SYDE2: variants seen among roughly 807,000 people sequenced by gnomAD.
SYDE2 encodes the protein rho GTPase-activating protein SYDE2.
SYDE2 carries 76 observed loss-of-function variants against 91.5 expected under a neutral mutation model. That is an observed-to-expected ratio of 0.83 (90% CI 0.69 to 1.01). The LOEUF (loss-of-function observed/expected upper bound fraction) is 1.01. Ranked by LOEUF, SYDE2 falls within the 50% of genes least tolerant of loss-of-function variation. The probability of loss-of-function intolerance (pLI) is 0.00; values close to 1 mark genes in which losing one functional copy is unlikely to be tolerated. For synonymous variants in SYDE2, 513 were observed against 506.4 expected, an observed-to-expected ratio of 1.01 and a Z score of -0.18; for missense variants, 1,364 against 1,367.7, an observed-to-expected ratio of 1.00 and a Z score of 0.04.
intron 2 of SYDE2, among the ~76,000 whole-genome samples, chr1:85,187,978 T>C (rs982906385): frequency 3.9e-5 from 6 of 151,914 alleles, no homozygotes; most frequent in African/African-American, 1.5e-4. Context: ...AACCTGTACA[T>C]TGTGCACATG....
intron 1 of SYDE2, among the ~76,000 whole-genome samples, chr1:85,196,819 T>C (rs946708958): frequency 6.6e-6 from 1 of 152,180 alleles, no homozygotes; most frequent in Non-Finnish European, 1.5e-5. Context: ...TTGAGAAAAG[T>C]AGATGGGAAT....
chr1:85,181,419 G>A (rs1364386337), intron 3 of SYDE2: 1 of 152,044 alleles, frequency 6.6e-6, no homozygotes, highest in Non-Finnish European at 1.5e-5. Flanking sequence ...CCAAAGTGCT[G>A]GGATTACAGG....
At chr1:85,189,762 G>C (rs759331093) in intron 2 of SYDE2, among the ~76,000 whole-genome samples, 1 of 152,196 alleles carries the variant, frequency 6.6e-6, no homozygotes. Flanking sequence ...CCTGAGCCTG[G>C]AGGTCAAGGC....
At chr1:85,165,403 G>A (rs1657228123) in intron 5 of SYDE2, among the ~76,000 whole-genome samples, 1 of 152,150 alleles carries the variant, frequency 6.6e-6, no homozygotes, top group South Asian at 2.1e-4. Context: ...TGATGAAAAG[G>A]GGATTAGGGT....
rs1328117331 is a variant in SYDE2 at position 85,165,765 on chromosome 1, A to T, written c.2854-1008T>A. Among the ~76,000 whole-genome samples the T allele has an allele frequency of 2.0e-5, 3 of 151,558 alleles. No individual in the cohort carries two copies. The East Asian group carries it at 5.8e-4, about 29-fold the overall frequency. ...GTTTCAACAGTTATGGAAAGAAATG[A>T]TGTTTTTTGATGTAGTGGCATAGGA... is the stretch of plus-strand genomic sequence containing the variant. On this transcript the variant is annotated intron_variant, in intron 5 of 6. Transcript: ENST00000341460.
chr1:85,167,175 C>T (rs1402105388), intron 5 of SYDE2, among the ~76,000 whole-genome samples: 1 of 148,946 alleles, frequency 6.7e-6, no homozygotes, highest in African/African-American at 2.5e-5. Context: ...GTTTGCACCA[C>T]CGCACTCCAG....
At chr1:85,163,480 T>TAA (rs1553170253) in intron 6 of SYDE2, among the ~76,000 whole-genome samples, 51 of 134,600 alleles carry the variant, frequency 3.8e-4, no homozygotes, top group African/African-American at 1.3e-3. Context: ...TATATATATA[T>TAA]AACAAAAGAG....
chr1:85,181,487 C>T (rs58068482), intron 3 of SYDE2: 7,174 of 151,966 alleles, frequency 0.047, 261 homozygotes, highest in East Asian at 0.17. Context: ...CAAGTAAGAC[C>T]CACAGAGATT....
Position 85,192,010 on chromosome 1 carries a change from A to C in SYDE2, c.746-1258T>G, listed in dbSNP as rs185444322. Among the ~76,000 whole-genome samples, 11 of 145,700 alleles carry C rather than the reference A, an allele frequency of 7.5e-5. No homozygotes were observed. In the East Asian group the frequency reaches 2.3e-3, roughly 31 times the overall value. On this transcript the variant is annotated intron_variant, in intron 1 of 6. Transcript: ENST00000341460. ...CATTTTAAAAATCTAAGATCATCTC[A>C]GGTTTCTAAATTATGGAATTATATG...
chr1:85,191,212 T>C (rs1192959523), intron 1 of SYDE2, among the ~76,000 whole-genome samples: 1 of 152,168 alleles, frequency 6.6e-6, no homozygotes, highest in Non-Finnish European at 1.5e-5. Context: ...AACAAGAAAC[T>C]ATGCCTTACT....
rs934461468 is a variant in SYDE2 at position 85,183,040 on chromosome 1, T to C, written c.1602A>G (p.Lys534=). 2 of 1,613,334 alleles carry C rather than the reference T, an allele frequency of 1.2e-6. No homozygotes were observed. The highest frequency in any genetic ancestry group is 1.7e-6 in the Non-Finnish European group (2 of 1,179,720). ...RTVRKLSMKM[K]KLPEFSRKLS... is the part of the protein sequence containing the mutation. ...GCTTTCGGCTAAATTCTGGCAACTT[T>C]TTCATTTTCATGGAAAGTTTCCTCA... The change falls in exon 3 of 7, where the codon AAA becomes AAG. Residue 534 remains lysine, a synonymous_variant. Transcript: ENST00000341460.
chr1:85,167,612 G>A (rs185450125), intron 5 of SYDE2, among the ~76,000 whole-genome samples: 38 of 152,166 alleles, frequency 2.5e-4, no homozygotes, highest in African/African-American at 6.7e-4. Context: ...CACCATGCCC[G>A]GCTAATTTTT....
intron 2 of SYDE2, among the ~76,000 whole-genome samples, chr1:85,185,233 TTA>T (rs1658087796): frequency 6.8e-6 from 1 of 147,674 alleles, no homozygotes; most frequent in Non-Finnish European, 1.5e-5. Flanking sequence ...TAATATATAT[TTA>T]TATTATTTTA....
chr1:85,170,039 A>T (rs1176078734), intron 4 of SYDE2, among the ~76,000 whole-genome samples: 1 of 152,100 alleles, frequency 6.6e-6, no homozygotes, highest in Non-Finnish European at 1.5e-5. Flanking sequence ...AAATATATAC[A>T]ATATTGATCC....
At chr1:85,180,328 G>A (rs1657862910) in intron 3 of SYDE2, among the ~76,000 whole-genome samples, 1 of 152,138 alleles carries the variant, frequency 6.6e-6, no homozygotes, top group African/African-American at 2.4e-5. Flanking sequence ...TCTCTACTGG[G>A]GGTGGGGAAG....
At chr1:85,176,571 C>T (rs1296953353) in intron 4 of SYDE2, among the ~76,000 whole-genome samples, 1 of 151,776 alleles carries the variant, frequency 6.6e-6, no homozygotes, top group East Asian at 1.9e-4. Flanking sequence ...AAATTTTAAC[C>T]CAAACAATTA....
At chr1:85,181,167 T>A (rs1346841434) in intron 3 of SYDE2, 3 of 74,470 alleles carry the variant, frequency 4.0e-5, no homozygotes, top group African/African-American at 1.2e-4. Context: ...TTTTTTTTTT[T>A]TTGCAACGGA....
At chr1:85,152,975 T>C (rs1257046257), downstream of SYDE2, 2 of 152,160 alleles carry the variant, frequency 1.3e-5, no homozygotes, top group Non-Finnish European at 2.9e-5. Flanking sequence ...AACCCAGAAA[T>C]CTCCATCTGC....
At chr1:85,192,655 GAAGT>G (rs1311376961) in intron 1 of SYDE2, among the ~76,000 whole-genome samples, 1 of 152,126 alleles carries the variant, frequency 6.6e-6, no homozygotes, top group East Asian at 1.9e-4. Flanking sequence ...GAGAGATAAA[GAAGT>G]AAGGAGGCCC....
Sources: allele counts gnomAD v4.1 joint callset (sites outside exome capture counted in the v4.1 genomes callset), GRCh38; gene constraint gnomAD v4.1.1; transcripts MANE v1.5; gene names NCBI Gene and HGNC (gene_info 2026-07-23, HGNC 2026-07-21).